Variants in PRKAR2A observed in about 807,000 individuals in gnomAD.
PRKAR2A encodes the protein cAMP-dependent protein kinase type II-alpha regulatory subunit.
PRKAR2A carries 29 observed loss-of-function variants against 51.9 expected under a neutral mutation model. The ratio of observed to expected loss-of-function variants is 0.56; its 90% CI spans 0.42 to 0.76. The LOEUF is 0.76. Among genes scored for constraint, PRKAR2A ranks in the 30% least tolerant of loss-of-function variants. The probability of loss-of-function intolerance (pLI) is 0.00; values close to 1 mark genes in which losing one functional copy is unlikely to be tolerated. For missense variants in PRKAR2A, 445 were observed against 512.1 expected, an observed-to-expected ratio of 0.87 and a Z score of 1.26; for synonymous variants, 178 against 186.2, an observed-to-expected ratio of 0.96 and a Z score of 0.36.
At chr3:48,762,519 C>T (rs1213933754) in intron 8 of PRKAR2A, among the ~76,000 whole-genome samples, 1 of 152,152 alleles carries the variant, frequency 6.6e-6, no homozygotes, top group African/African-American at 2.4e-5. Context: ...CCTCTGGTCC[C>T]AGCTACTCGG....
At chr3:48,752,460 T>G in intron 9 of PRKAR2A, 143 bp from the exon 10 acceptor site, 1 of 908,844 alleles carries the variant, frequency 1.1e-6, no homozygotes, top group Non-Finnish European at 1.6e-6. Flanking sequence ...AACTGTACCA[T>G]GTAAACTCCA....
intron 2 of PRKAR2A, among the ~76,000 whole-genome samples, chr3:48,799,402 C>T (rs1455460715): frequency 6.6e-6 from 1 of 152,142 alleles, no homozygotes; most frequent in Non-Finnish European, 1.5e-5. Context: ...TTCATTACCT[C>T]TTTAAAGGCT....
chr3:48,768,026 A>T (rs2081966484), intron 6 of PRKAR2A, among the ~76,000 whole-genome samples: 1 of 147,732 alleles, frequency 6.8e-6, no homozygotes. Context: ...GTGGCTCACG[A>T]CTGTATTCCC....
At chr3:48,788,384 G>C (rs1472742200) in intron 4 of PRKAR2A, among the ~76,000 whole-genome samples, 1 of 152,076 alleles carries the variant, frequency 6.6e-6, no homozygotes, top group Non-Finnish European at 1.5e-5. Flanking sequence ...GACTGGTCTT[G>C]AATTTCTGAC....
chr3:48,764,719 G>A (rs1468370666), intron 8 of PRKAR2A, among the ~76,000 whole-genome samples: 2 of 152,080 alleles, frequency 1.3e-5, no homozygotes, highest in Non-Finnish European at 2.9e-5. Flanking sequence ...TTGCCTCCTG[G>A]GTTCCAGCAA....
chr3:48,753,079 CCCG>C (rs1303373763), intron 9 of PRKAR2A, among the ~76,000 whole-genome samples: 2 of 151,328 alleles, frequency 1.3e-5, no homozygotes, highest in African/African-American at 4.9e-5. Flanking sequence ...ACCACAGGCG[CCCG>C]CCACCACGCC....
chr3:48,847,717 G>A lies in PRKAR2A; in HGVS notation c.-121C>T, dbSNP rs1454932183. The A allele has an allele frequency of 9.8e-7, 1 of 1,020,064 alleles. No individual in the cohort carries two copies. The allele number at this position is 1,020,064 out of a possible 1,614,324, so 63.2% of individuals were successfully genotyped here. A position where few individuals can be genotyped will look rare whatever the true frequency, so the allele number is the denominator to read the frequency against. ...CTCTTCGCGCACGGCCCCGGCTCAC[G>A]TCGCGCCGCTCTTTGGCCGGCTCTG... On this transcript the variant is annotated 5_prime_UTR_variant, in exon 1 of 11. It adds an upstream start codon to the 5' untranslated region. Transcript: ENST00000265563. This position sits in a 1 kb window ranked among gnomAD's most constrained non-coding sequence, Gnocchi z 4.4.
chr3:48,842,877 T>G (rs2083402170), intron 1 of PRKAR2A, among the ~76,000 whole-genome samples: 1 of 152,198 alleles, frequency 6.6e-6, no homozygotes, highest in African/African-American at 2.4e-5. Context: ...AAAACTCTCT[T>G]TTTTGGTTGT....
At chr3:48,822,845 A>G (rs2082991292) in intron 1 of PRKAR2A, among the ~76,000 whole-genome samples, 1 of 151,958 alleles carries the variant, frequency 6.6e-6, no homozygotes, top group Admixed American at 6.6e-5. Flanking sequence ...AAAAGCTCCC[A>G]AGGCTGAAAA....
chr3:48,788,223 G>A (rs2082326296), intron 4 of PRKAR2A, among the ~76,000 whole-genome samples: 1 of 152,076 alleles, frequency 6.6e-6, no homozygotes, highest in South Asian at 2.1e-4. Flanking sequence ...TAGAGACGGG[G>A]TTTCACCATG....
rs565808589 is a variant in PRKAR2A, at chr3:48,847,684, C to T, written c.-88G>A. 7.7e-7 allele frequency: 1 copy of T among 1,290,728 alleles called. No homozygotes were observed. The highest frequency in any genetic ancestry group is 1.8e-5 in the South Asian group (1 of 57,056). 80.0% of individuals were successfully genotyped at this position (1,290,728 alleles called of 1,614,324 possible). A position where few individuals can be genotyped will look rare whatever the true frequency, so the allele number is the denominator to read the frequency against. On this transcript the variant is annotated 5_prime_UTR_variant, in exon 1 of 11. Transcript: ENST00000265563. The surrounding 1 kb of genome is among the most constrained non-coding windows in gnomAD (Gnocchi z 4.4). ...TCACGCCGGCCTTTCGCTCCGCGCC[C>T]GCGAGGTCTCTTCGCGCACGGCCCC...
chr3:48,842,898 G>A (rs2083402383), intron 1 of PRKAR2A, among the ~76,000 whole-genome samples: 1 of 152,174 alleles, frequency 6.6e-6, no homozygotes, highest in Non-Finnish European at 1.5e-5. Context: ...GTCTCTGCCT[G>A]GCTTTGGTAT....
rs2082365422 is a variant in PRKAR2A at position 48,790,435 on chromosome 3, T to C, written c.435+109A>G. On this transcript the variant is annotated intron_variant, in intron 4 of 10. Coordinates refer to ENST00000265563, the MANE Select transcript of PRKAR2A (RefSeq NM_004157.4). Reference sequence around the variant, plus strand: ...TGTATGTAAGATGAATCTAAGGTTTTATGCTTAACACGGCTGTGGCTAGGG... The same window carrying C: ...TGTATGTAAGATGAATCTAAGGTTTCATGCTTAACACGGCTGTGGCTAGGG... The C allele has an allele frequency of 2.6e-5, 17 of 660,722 alleles. 2 individuals carry two copies. The South Asian group carries it at 5.0e-4, about 20-fold the overall frequency. 40.9% of individuals were successfully genotyped at this position (660,722 alleles called of 1,614,324 possible).
At chr3:48,807,940 C>A (rs1360700489) in intron 1 of PRKAR2A, among the ~76,000 whole-genome samples, 3 of 152,058 alleles carry the variant, frequency 2.0e-5, no homozygotes, top group Admixed American at 1.3e-4. Flanking sequence ...TTTCTGCCCA[C>A]ATCTATATTC....
At chr3:48,782,507 C>T (rs1237797608) in intron 5 of PRKAR2A, among the ~76,000 whole-genome samples, 1 of 151,412 alleles carries the variant, frequency 6.6e-6, no homozygotes, top group Non-Finnish European at 1.5e-5. Context: ...GGTCTCAGCT[C>T]ACTGCAACAA....
intron 6 of PRKAR2A, among the ~76,000 whole-genome samples, chr3:48,772,352 G>A (rs575521783): frequency 2.6e-5 from 4 of 150,956 alleles, no homozygotes; most frequent in South Asian, 2.1e-4. Flanking sequence ...GACTACAGGC[G>A]CCCATCACCA....
At chr3:48,806,369 CAAAT>C (rs2082675711) in intron 2 of PRKAR2A, among the ~76,000 whole-genome samples, 1 of 152,038 alleles carries the variant, frequency 6.6e-6, no homozygotes. Context: ...ACTGTACTCC[CAAAT>C]AAATTCCAGA....
At chr3:48,822,544 A>G (rs2082984732) in intron 1 of PRKAR2A, among the ~76,000 whole-genome samples, 1 of 152,182 alleles carries the variant, frequency 6.6e-6, no homozygotes, top group Non-Finnish European at 1.5e-5. Context: ...AAATTAGCAA[A>G]ATTAAGCCAT....
chr3:48,771,099 G>A (rs1043981061), intron 6 of PRKAR2A, among the ~76,000 whole-genome samples: 19 of 151,954 alleles, frequency 1.3e-4, no homozygotes, highest in African/African-American at 3.6e-4. Context: ...GGTGGCACAT[G>A]TGCACACGTC....
Sources: gnomAD v4.1 joint callset for allele counts (sites outside exome capture counted in the v4.1 genomes callset) on GRCh38, gnomAD v4.1.1 for gene constraint, Gnocchi (gnomAD v3.1) non-coding constraint, MANE v1.5 for transcripts, NCBI Gene and HGNC (gene_info 2026-07-23, HGNC 2026-07-21) for gene names.